Variants in MAP3K12 observed in about 807,000 individuals in gnomAD.
The protein encoded by MAP3K12 is MAPK-upstream kinase.
In MAP3K12, 14 loss-of-function variants were observed where a neutral mutation model predicts 87.5. The ratio of observed to expected loss-of-function variants is 0.16; its 90% CI spans 0.11 to 0.25. The LOEUF (loss-of-function observed/expected upper bound fraction) is 0.25, where lower values mean the gene tolerates loss of function less well. MAP3K12 is among the 10% of genes least tolerant of loss of function. The pLI, the probability that MAP3K12 is intolerant of heterozygous loss-of-function variation, is 1.00. For missense variants in MAP3K12, 802 were observed against 1,140.4 expected (o/e 0.70, Z 4.27); for synonymous variants, 469 against 452.5 (o/e 1.04, Z -0.46).
intron 1 of MAP3K12, among the ~76,000 whole-genome samples, chr12:53,493,413 G>A (rs796235139): frequency 2.5e-4 from 38 of 152,270 alleles, no homozygotes; most frequent in African/African-American, 8.4e-4. Context: ...GACTTGTGGG[G>A]TTGGCATTGG....
Position 53,482,012 on chromosome 12 carries a change from G to GA in MAP3K12, c.2508dup (p.Pro837SerfsTer9). The GA allele has an allele frequency of 6.2e-7, 1 of 1,614,222 alleles. No homozygotes were observed. The highest frequency in any genetic ancestry group is 8.5e-7 in the Non-Finnish European group (1 of 1,180,042). ...TCAGGGCCAGGGATGACCTCTGAAGGAGGTGGGTCCAGTGGGATTTCTGAG... is the reference window on the plus strand; with the variant it reads ...TCAGGGCCAGGGATGACCTCTGAAGGAAGGTGGGTCCAGTGGGATTTCTGAG... On this transcript the variant is annotated frameshift_variant, in exon 13 of 14. Coordinates refer to ENST00000547488, the MANE Select transcript of MAP3K12 (RefSeq NM_001193511.2). LOFTEE classifies it high-confidence loss of function.
Position 53,482,798 on chromosome 12 carries a change from G to T in MAP3K12, c.2005C>A (p.Pro669Thr), listed in dbSNP as rs775217219. 6.2e-7 allele frequency: 1 copy of T among 1,611,892 alleles called. No individual in the cohort carries two copies. Among genetic ancestry groups the T allele is most frequent in the Non-Finnish European group, 8.5e-7 (1 of 1,178,474 alleles). Residue 669 changes from proline (P) to threonine (T), a missense_variant, in exon 11 of 14, where the codon CCT becomes ACT. Pro to Thr is a conservative substitution (Grantham distance 38). Around this residue, in one of 5 missense-constraint regions of MAP3K12, gnomAD observed 490 missense variants for 496.6 expected, o/e 0.99. Coordinates refer to ENST00000547488, the MANE Select transcript of MAP3K12 (RefSeq NM_001193511.2). ...TGGAGDPGSP[P>T]PARGDTPPSE... ...GGTGGGGTGTCACCCCGGGCCGGAGGTGGTGAGCCAGGATCCCCAGCTCCG... is the reference window on the plus strand; with the variant it reads ...GGTGGGGTGTCACCCCGGGCCGGAGTTGGTGAGCCAGGATCCCCAGCTCCG...
At position 53,482,635 on chromosome 12, in the gene MAP3K12, C is replaced by T. The variant is rs1943098772; in HGVS notation, c.2168G>A (p.Gly723Glu). The T allele has an allele frequency of 6.2e-7, 1 of 1,613,810 alleles. No individual in the cohort carries two copies. Among genetic ancestry groups the T allele is most frequent in the Non-Finnish European group, 8.5e-7 (1 of 1,180,026 alleles). ...CAAGTGCTGGGACCCAGCCCGGCTT[C>T]CTCCCCGGCCTGAGGTCCCTTCCCT... is the stretch of plus-strand genomic sequence containing the variant. ...TGREGTSGRGGSRAGSQHLTP... is the reference protein window; with the variant it reads ...TGREGTSGRGESRAGSQHLTP... The change falls in exon 11 of 14, where the codon GGA becomes GAA. Residue 723 changes from glycine (G) to glutamate (E), a missense_variant. Transcript: ENST00000547488.
At chr12:53,488,586 G>C in intron 1 of MAP3K12, among the ~76,000 whole-genome samples, 1 of 151,392 alleles carries the variant, frequency 6.6e-6, no homozygotes. Context: ...GCTTAAACCC[G>C]GGAGGCTGAG....
At position 53,483,950 on chromosome 12, in the gene MAP3K12, A is replaced by G; in HGVS notation, c.1319T>C (p.Leu440Pro). ...CCTCCTCATCACCAGTTCCTCTTCT[A>G]GGCGGTGCAGACAGGTCCCTTCTGA... Reference protein sequence around the residue: ...IKSEGTCLHRLEEELVMRRRE... With the variant: ...IKSEGTCLHRPEEELVMRRRE... The change falls in exon 8 of 14, where the codon CTA becomes CCA. Residue 440 changes from leucine to proline, a missense_variant. This residue lies in a region of MAP3K12 where 99 missense variants were observed against 193.4 expected (regional missense o/e 0.51). Coordinates refer to ENST00000547488, the MANE Select transcript of MAP3K12 (RefSeq NM_001193511.2). 1.9e-6 allele frequency: 3 copies of G among 1,614,116 alleles called. No homozygotes were observed. The highest frequency in any genetic ancestry group is 2.5e-6 in the Non-Finnish European group (3 of 1,180,014).
At chr12:53,491,136 A>C (rs1159445334) in intron 1 of MAP3K12, among the ~76,000 whole-genome samples, 4 of 151,368 alleles carry the variant, frequency 2.6e-5, no homozygotes, top group East Asian at 2.0e-4. Flanking sequence ...AAAATACAAA[A>C]AATTAGCCAG....
intron 1 of MAP3K12, among the ~76,000 whole-genome samples, chr12:53,489,817 C>T (rs988351475): frequency 1.3e-5 from 2 of 152,138 alleles, no homozygotes; most frequent in African/African-American, 4.8e-5. Context: ...GGTGGTAGGC[C>T]TGGAATCAGC....
Position 53,482,322 on chromosome 12 carries a change from T to C in MAP3K12, c.2286A>G (p.Glu762=). The C allele has an allele frequency of 6.2e-7, 1 of 1,614,162 alleles. No homozygotes were observed. Residue 762 remains glutamate, a synonymous_variant, in exon 12 of 14, where the codon GAA becomes GAG. Transcript: ENST00000547488. ...ACCTCTGGCTTGATGTCAGCTCTACTTCACTGTCTACCTCTCCTTCCTCCT... is the reference window on the plus strand; with the variant it reads ...ACCTCTGGCTTGATGTCAGCTCTACCTCACTGTCTACCTCTCCTTCCTCCT... ...SEEEEGEVDS[E]VELTSSQRWP... is the part of the protein sequence containing the mutation.
In MAP3K12 at chr12:53,483,969, C is replaced by T; in HGVS notation, c.1300G>A (p.Gly434Arg). 6.2e-7 allele frequency: 1 copy of T among 1,614,140 alleles called. No homozygotes were observed. The highest frequency in any genetic ancestry group is 8.5e-7 in the Non-Finnish European group (1 of 1,180,020). The change falls in exon 8 of 14, where the codon GGG becomes AGG. Residue 434 changes from glycine (G) to arginine (R), a missense_variant. This residue lies in a region of MAP3K12 where 99 missense variants were observed against 193.4 expected (regional missense o/e 0.51). Coordinates refer to ENST00000547488, the MANE Select transcript of MAP3K12 (RefSeq NM_001193511.2). ...KLHFEKIKSEGTCLHRLEEEL... is the reference protein window; with the variant it reads ...KLHFEKIKSERTCLHRLEEEL... ...TCTTCTAGGCGGTGCAGACAGGTCC[C>T]TTCTGACTTAATCTTTTCAAAGTGC...
At position 53,479,675 on chromosome 12, in the gene MAP3K12, T is replaced by TTTTTTTTTTTGTTTTG; in HGVS notation, c.*1506_*1507insCAAAACAAAAAAAAAA. On this transcript the variant is annotated 3_prime_UTR_variant, in exon 14 of 14. Transcript: ENST00000547488. ...AGTTTTATAAGCTTCTCCCTGGTTT[T>TTTTTTTTTTTGTTTTG]TTTTTTTTGGCTCATGAATTTTTCT... is the stretch of plus-strand genomic sequence containing the variant. 5 of 386,448 alleles carry TTTTTTTTTTTGTTTTG rather than the reference T, an allele frequency of 1.3e-5. No individual in the cohort carries two copies. The highest frequency in any genetic ancestry group is 4.3e-5 in the Admixed American group (1 of 23,318). The allele number at this position is 386,448 out of a possible 1,614,324, so 23.9% of individuals were successfully genotyped here.
Position 53,479,671 on chromosome 12 carries a change from G to GTTTTTTTTTTGTTTTGT in MAP3K12, c.*1510_*1511insACAAAACAAAAAAAAAA, listed in dbSNP as rs1555209674. The GTTTTTTTTTTGTTTTGT allele has an allele frequency of 1.5e-4, 32 of 206,812 alleles. No homozygotes were observed. Among genetic ancestry groups the GTTTTTTTTTTGTTTTGT allele is most frequent in the Non-Finnish European group, 2.8e-4 (30 of 108,882 alleles). 12.8% of individuals were successfully genotyped at this position (206,812 alleles called of 1,614,324 possible). On this transcript the variant is annotated 3_prime_UTR_variant, in exon 14 of 14. Transcript: ENST00000547488. ...ATTTAGTTTTATAAGCTTCTCCCTGGTTTTTTTTTTTTGGCTCATGAATTT... is the reference window on the plus strand; with the variant it reads ...ATTTAGTTTTATAAGCTTCTCCCTGGTTTTTTTTTTGTTTTGTTTTTTTTTTTTTGGCTCATGAATTT...
intron 1 of MAP3K12, among the ~76,000 whole-genome samples, chr12:53,490,862 G>A (rs1267781499): frequency 3.3e-5 from 5 of 152,134 alleles, no homozygotes; most frequent in Admixed American, 3.3e-4. Flanking sequence ...AGTGAGCAGT[G>A]ATTGCACCAC....
intron 1 of MAP3K12, among the ~76,000 whole-genome samples, chr12:53,496,609 A>T (rs1001806744): frequency 3.3e-5 from 5 of 152,378 alleles, no homozygotes; most frequent in African/African-American, 1.2e-4. Flanking sequence ...GGGCATTTTT[A>T]AAAATCTGGA....
chr12:53,483,311 C>T (rs958043218), intron 10 of MAP3K12, 38 bp downstream of exon 10: 11 of 1,606,038 alleles, frequency 6.8e-6, no homozygotes, highest in South Asian at 5.6e-5. Context: ...CTTCAGTATC[C>T]CTCTTGCCAT....
At position 53,483,476 on chromosome 12, in the gene MAP3K12, C is replaced by T; in HGVS notation, c.1486G>A (p.Ala496Thr). 6.2e-7 allele frequency: 1 copy of T among 1,614,136 alleles called. No homozygotes were observed. The highest frequency in any genetic ancestry group is 8.5e-7 in the Non-Finnish European group (1 of 1,180,014). Residue 496 changes from alanine to threonine, a missense_variant, in exon 10 of 14, where the codon GCT becomes ACT. Ala to Thr is a moderately conservative substitution (Grantham distance 58, BLOSUM62 0). Around this residue, in one of 5 missense-constraint regions of MAP3K12, gnomAD observed 99 missense variants for 193.4 expected, o/e 0.51. Transcript: ENST00000547488. ...AGGCCTGGGCACCTCCGCTCTAAAG[C>T]TTGCTCTCGCCTAAAGATCCAGGCA... ...KERELLRREQALERRCPGLLK... is the reference protein window; with the variant it reads ...KERELLRREQTLERRCPGLLK...
In MAP3K12 at chr12:53,480,249, ATTG is replaced by A. The variant is rs1403348685; in HGVS notation, c.*930_*932del. ...TATTTTAAACTAAAAATTTCAGTCT[ATTG>A]TTTTTAGTAACTTCATTTATAGTCC... On this transcript the variant is annotated 3_prime_UTR_variant, in exon 14 of 14. Transcript: ENST00000547488. 6.6e-6 allele frequency: 1 copy of A among 152,176 alleles called. No homozygotes were observed. The highest frequency in any genetic ancestry group is 2.4e-5 in the African/African-American group (1 of 41,446). The allele number at this position is 152,176 out of a possible 1,614,324, so 9.4% of individuals were successfully genotyped here.
chr12:53,489,914 T>G (rs1943354140), intron 1 of MAP3K12, among the ~76,000 whole-genome samples: 1 of 152,166 alleles, frequency 6.6e-6, no homozygotes, highest in South Asian at 2.1e-4. Context: ...AGTTCAACCC[T>G]CATTAGCTGT....
At position 53,482,939 on chromosome 12, in the gene MAP3K12, C is replaced by A; in HGVS notation, c.1864G>T (p.Ala622Ser). 1 of 1,606,746 alleles carries A rather than the reference C, an allele frequency of 6.2e-7. No individual in the cohort carries two copies. Among genetic ancestry groups the A allele is most frequent in the Non-Finnish European group, 8.5e-7 (1 of 1,178,526 alleles). The change falls in exon 11 of 14, where the codon GCC becomes TCC. Residue 622 changes from alanine (A) to serine (S), a missense_variant. Around this residue, in one of 5 missense-constraint regions of MAP3K12, gnomAD observed 490 missense variants for 496.6 expected, o/e 0.99. Coordinates refer to ENST00000547488, the MANE Select transcript of MAP3K12 (RefSeq NM_001193511.2). ...GLGGGPSAWE[A>S]CPPALRGLHH... Reference sequence around the variant, plus strand: ...AGCCCACGGAGGGCGGGAGGGCAGGCCTCCCAGGCTGAGGGTCCCCCTCCT... The same window carrying A: ...AGCCCACGGAGGGCGGGAGGGCAGGACTCCCAGGCTGAGGGTCCCCCTCCT...
Position 53,480,846 on chromosome 12 carries a change from C to G in MAP3K12, c.*336G>C, listed in dbSNP as rs542080843. 1 of 152,268 alleles carries G rather than the reference C, an allele frequency of 6.6e-6. No homozygotes were observed. Among genetic ancestry groups the G allele is most frequent in the African/African-American group, 2.4e-5 (1 of 41,492 alleles). The allele number at this position is 152,268 out of a possible 1,614,324, so 9.4% of individuals were successfully genotyped here. A position where few individuals can be genotyped will look rare whatever the true frequency, so the allele number is the denominator to read the frequency against. On this transcript the variant is annotated 3_prime_UTR_variant, in exon 14 of 14. Transcript: ENST00000547488. ...TTCTCTCCTGCCCCTCCCACCGCCC[C>G]TCCCCCCACCCCCTATTATTTGGGG... is the stretch of plus-strand genomic sequence containing the variant.
Sources: gnomAD v4.1 joint callset for allele counts (sites outside exome capture counted in the v4.1 genomes callset) on GRCh38, gnomAD v4.1.1 for gene constraint, gnomAD v4.1.1 regional missense constraint, MANE v1.5 for transcripts, NCBI Gene and HGNC (gene_info 2026-07-23, HGNC 2026-07-21) for gene names.